DOK7: variants seen among roughly 807,000 people sequenced by gnomAD.
DOK7 encodes protein Dok-7.
A neutral mutation model predicts 30.7 loss-of-function variants in DOK7; 32 were observed. The ratio of observed to expected loss-of-function variants is 1.04; its 90% CI spans 0.79 to 1.40. The LOEUF (loss-of-function observed/expected upper bound fraction) is 1.40. DOK7 is among the 40% of genes most tolerant of loss of function. DOK7 has a pLI of 0.00. For missense variants in DOK7, 1,007 were observed against 699.2 expected (o/e 1.44, Z -4.97); for synonymous variants, 447 against 324.1 (o/e 1.38, Z -4.07).
chr4:3,478,317 C>A (rs920434374), intron 4 of DOK7, among the ~76,000 whole-genome samples: 1 of 152,202 alleles, frequency 6.6e-6, no homozygotes, highest in East Asian at 1.9e-4. Flanking sequence ...GTGTGGGTGG[C>A]CCCTTTTCCG....
chr4:3,483,654 G>T (rs1044675910), intron 4 of DOK7, among the ~76,000 whole-genome samples: 5 of 152,216 alleles, frequency 3.3e-5, no homozygotes, highest in East Asian at 1.9e-4. Context: ...CCGTAATGTG[G>T]TTTTTTATAG....
At chr4:3,491,485 T>C (rs1220283464) in intron 6 of DOK7, among the ~76,000 whole-genome samples, 1 of 146,278 alleles carries the variant, frequency 6.8e-6, no homozygotes, top group Non-Finnish European at 1.5e-5. Flanking sequence ...TCATTCATTC[T>C]TTCCTTGTCC....
At position 3,494,093 on chromosome 4, in the gene DOK7, C is replaced by T; in HGVS notation, c.*592C>T. The T allele has an allele frequency of 3.0e-6, 3 of 986,374 alleles. No individual in the cohort carries two copies. The highest frequency in any genetic ancestry group is 3.6e-6 in the Non-Finnish European group (3 of 830,656). 61.1% of individuals were successfully genotyped at this position (986,374 alleles called of 1,614,324 possible). ...TTGCGGGGTCTCTGGGTTCTGGGCC[C>T]CACTGTTCCCCAGTGAAGCCCTTGT... On this transcript the variant is annotated 3_prime_UTR_variant, in exon 7 of 7. Coordinates refer to ENST00000340083, the MANE Select transcript of DOK7 (RefSeq NM_173660.5).
chr4:3,463,614 G>A (rs1409938134), intron 2 of DOK7, 63 bp downstream of exon 2: 2 of 1,515,120 alleles, frequency 1.3e-6, no homozygotes, highest in East Asian at 2.5e-5. Flanking sequence ...CGAGGCCCGG[G>A]GCAGTAATGC....
chr4:3,494,951 T>C (rs898513204), downstream of DOK7, among the ~76,000 whole-genome samples: 1 of 152,066 alleles, frequency 6.6e-6, no homozygotes, highest in Admixed American at 6.5e-5. Flanking sequence ...TGTGGGTGCC[T>C]GCCTGTCCCT....
At chr4:3,500,029 G>A (rs1486234525) in intron 6 of DOK7, among the ~76,000 whole-genome samples, 2 of 148,024 alleles carry the variant, frequency 1.4e-5, no homozygotes, top group African/African-American at 4.9e-5. Flanking sequence ...CTGCTCTGTG[G>A]GTACTTGGAC....
intron 5 of DOK7, among the ~76,000 whole-genome samples, chr4:3,487,661 C>G (rs746737653): frequency 6.6e-6 from 1 of 152,132 alleles, no homozygotes. Context: ...ATTTTGCAGA[C>G]GAGGGTGAGA....
intron 6 of DOK7, among the ~76,000 whole-genome samples, chr4:3,490,286 ATTCATTTCTTCCTCCG>A (rs1728186818): frequency 1.5e-5 from 1 of 68,620 alleles, no homozygotes; most frequent in Non-Finnish European, 2.9e-5. Flanking sequence ...CACCTTGCTC[ATTCATTTCTTCCTCCG>A]CCCCCCCGGC....
chr4:3,465,578 C>A (rs374760723), intron 2 of DOK7, among the ~76,000 whole-genome samples: 1 of 152,252 alleles, frequency 6.6e-6, no homozygotes, highest in Admixed American at 6.5e-5. Flanking sequence ...TCCACTGGCA[C>A]CTTTCTCCTC....
At chr4:3,496,882 C>A, downstream of DOK7, 1 of 1,533,618 alleles carries the variant, frequency 6.5e-7, no homozygotes, top group South Asian at 1.2e-5. Context: ...TGGAGCCAGT[C>A]CCCCAGAGCT....
At position 3,493,341 on chromosome 4, in the gene DOK7, G is replaced by C. The variant is rs777057956; in HGVS notation, c.1355G>C (p.Arg452Pro). The change falls in exon 7 of 7, where the codon CGG (arginine) becomes CCG (proline). Residue 452 changes from arginine to proline, a missense_variant. Transcript: ENST00000340083. Reference sequence around the variant, plus strand: ...TCTGGCTGGCTGGGCACGAGACGGCGGGGCCTGGTGATGGAGGCCCCCCAG... The same window carrying C: ...TCTGGCTGGCTGGGCACGAGACGGCCGGGCCTGGTGATGGAGGCCCCCCAG... ...CPSGWLGTRR[R>P]GLVMEAPQGS... 2.5e-6 allele frequency: 4 copies of C among 1,599,096 alleles called. No individual in the cohort carries two copies. The highest frequency in any genetic ancestry group is 3.4e-6 in the Non-Finnish European group (4 of 1,173,224).
chr4:3,468,099 A>T (rs62275880), intron 2 of DOK7, among the ~76,000 whole-genome samples: 47,089 of 152,054 alleles, frequency 0.31, 7,784 homozygotes, highest in African/African-American at 0.42. Flanking sequence ...CAAGTGCATG[A>T]CTGTGTCCAC....
At chr4:3,480,934 G>C (rs528081450) in intron 4 of DOK7, among the ~76,000 whole-genome samples, 15 of 152,304 alleles carry the variant, frequency 9.8e-5, no homozygotes, top group Admixed American at 9.8e-4. Flanking sequence ...GCACTGCGGG[G>C]AAGCTCTCTG....
intron 2 of DOK7, among the ~76,000 whole-genome samples, chr4:3,468,096 A>T (rs1439686797): frequency 6.6e-6 from 1 of 152,148 alleles, no homozygotes; most frequent in East Asian, 1.9e-4. Context: ...GTGCAAGTGC[A>T]TGACTGTGTC....
intron 5 of DOK7, 80 bp from the exon 6 acceptor site, chr4:3,489,597 A>G (rs1210927133): frequency 1.3e-6 from 2 of 1,548,200 alleles, no homozygotes; most frequent in Non-Finnish European, 8.7e-7. Flanking sequence ...ATAACCACTG[A>G]GTCAGGCTGG....
chr4:3,476,739 G>A (rs1577153574), intron 4 of DOK7, among the ~76,000 whole-genome samples, 197 bp downstream of exon 4: 1 of 152,208 alleles, frequency 6.6e-6, no homozygotes, highest in Non-Finnish European at 1.5e-5. Flanking sequence ...GTGGAGTGTC[G>A]AGGAGGGGCC....
At chr4:3,464,933 C>T (rs1227448593) in intron 2 of DOK7, among the ~76,000 whole-genome samples, 1 of 152,152 alleles carries the variant, frequency 6.6e-6, no homozygotes, top group African/African-American at 2.4e-5. Flanking sequence ...ATGGTGGCTC[C>T]CGAGCGTCTG....
At chr4:3,497,658 C>T (rs923811802), downstream of DOK7, among the ~76,000 whole-genome samples, 1 of 151,838 alleles carries the variant, frequency 6.6e-6, no homozygotes, top group African/African-American at 2.4e-5. Context: ...GTGGCACCTA[C>T]AGGGGGGCGG....
downstream of DOK7, among the ~76,000 whole-genome samples, chr4:3,497,351 G>A (rs571132335): frequency 7.2e-5 from 11 of 152,198 alleles, no homozygotes; most frequent in Admixed American, 2.0e-4. Context: ...TGAGCGACTC[G>A]GCGAAGGGCA....
Sources: gnomAD v4.1 joint callset for allele counts (sites outside exome capture counted in the v4.1 genomes callset) on GRCh38, gnomAD v4.1.1 for gene constraint, MANE v1.5 for transcripts, NCBI Gene and HGNC (gene_info 2026-07-23, HGNC 2026-07-21) for gene names.